BLTP3A: variants seen among roughly 807,000 people sequenced by gnomAD.
BLTP3A encodes the protein ICBP90 binding protein 1.
the BLTP3A span, chr6:34,857,949 T>G: frequency 6.2e-7 from 1 of 1,600,164 alleles, no homozygotes; most frequent in Non-Finnish European, 8.5e-7. Context: ...TATCCCCTGT[T>G]AGTAGCCACA....
the BLTP3A span, among the ~76,000 whole-genome samples, chr6:34,808,346 C>CAAAAAAAAAAAAAAAAAAAAAAAA: frequency 7.5e-5 from 2 of 26,720 alleles, no homozygotes; most frequent in Middle Eastern, 0.036. Context: ...AACTCCGTCT[C>CAAAAAAAAAAAAAAAAAAAAAAAA]AAAAAAAAAA....
the BLTP3A span, among the ~76,000 whole-genome samples, chr6:34,803,613 A>G: frequency 3.9e-5 from 6 of 152,242 alleles, no homozygotes; most frequent in Non-Finnish European, 8.8e-5. Context: ...AATATGTCCT[A>G]CTAGGTCTGC....
the BLTP3A span, chr6:34,876,905 TC>T: frequency 6.6e-6 from 1 of 152,242 alleles, no homozygotes; most frequent in African/African-American, 2.4e-5. Flanking sequence ...TGGGATTTGA[TC>T]TTCCTCACTT....
the BLTP3A span, among the ~76,000 whole-genome samples, chr6:34,835,014 A>G: frequency 2.6e-5 from 4 of 152,160 alleles, no homozygotes; most frequent in African/African-American, 9.7e-5. Flanking sequence ...AACATCCTCT[A>G]GTAATAGAAT....
chr6:34,806,530 C>A, the BLTP3A span, among the ~76,000 whole-genome samples: 1 of 152,216 alleles, frequency 6.6e-6, no homozygotes, highest in African/African-American at 2.4e-5. Flanking sequence ...AAGTTAGGGT[C>A]AGTTCTGCTC....
chr6:34,821,378 A>G, the BLTP3A span: 22 of 296,630 alleles, frequency 7.4e-5, 1 homozygote, highest in South Asian at 1.5e-3. Context: ...AATCATAAGT[A>G]GAATCATAGG....
the BLTP3A span, among the ~76,000 whole-genome samples, chr6:34,861,810 C>A: frequency 0.027 from 4,096 of 152,234 alleles, 198 homozygotes; most frequent in African/African-American, 0.093. Flanking sequence ...GTCTTGAACT[C>A]TTGGGCGCAA....
At chr6:34,792,453 C>T in the BLTP3A span, among the ~76,000 whole-genome samples, 3 of 152,122 alleles carry the variant, frequency 2.0e-5, no homozygotes, top group African/African-American at 7.2e-5. Context: ...ACAGCTTCCC[C>T]CCGCGCCCGC....
chr6:34,794,357 G>A, the BLTP3A span, among the ~76,000 whole-genome samples: 1 of 149,654 alleles, frequency 6.7e-6, no homozygotes, highest in East Asian at 2.0e-4. Context: ...AAAGGTTATT[G>A]TGTTACATGA....
At chr6:34,870,065 C>T in the BLTP3A span, among the ~76,000 whole-genome samples, 1 of 152,108 alleles carries the variant, frequency 6.6e-6, no homozygotes, top group Non-Finnish European at 1.5e-5. Context: ...AATTTTAGAA[C>T]ATTTCCATGA....
At chr6:34,815,131 C>T in the BLTP3A span, among the ~76,000 whole-genome samples, 11 of 152,168 alleles carry the variant, frequency 7.2e-5, no homozygotes, top group African/African-American at 2.4e-4. Flanking sequence ...GAAGACCCTT[C>T]GTTCAGTGCC....
the BLTP3A span, among the ~76,000 whole-genome samples, chr6:34,841,858 T>G: frequency 2.0e-5 from 3 of 152,136 alleles, no homozygotes; most frequent in African/African-American, 4.8e-5. Context: ...AGAAGATTGG[T>G]GATTGATGGG....
the BLTP3A span, among the ~76,000 whole-genome samples, chr6:34,832,267 T>C: frequency 6.6e-6 from 1 of 152,068 alleles, no homozygotes; most frequent in African/African-American, 2.4e-5. Context: ...ACCAAAGGCA[T>C]GCACCACTGT....
chr6:34,802,361 C>A, the BLTP3A span, among the ~76,000 whole-genome samples: 1 of 148,880 alleles, frequency 6.7e-6, no homozygotes, highest in Non-Finnish European at 1.5e-5. Flanking sequence ...TGCCCACCAC[C>A]AAGCCCGGCT....
chr6:34,850,192 CCT>C, the BLTP3A span, among the ~76,000 whole-genome samples: 1 of 151,890 alleles, frequency 6.6e-6, no homozygotes, highest in Non-Finnish European at 1.5e-5. Context: ...ATATGTCATG[CCT>C]CTCTCTGCTA....
chr6:34,871,834 A>C, the BLTP3A span: 1 of 1,614,174 alleles, frequency 6.2e-7, no homozygotes, highest in Non-Finnish European at 8.5e-7. Context: ...GCTCAGGACA[A>C]ACCATCAGCT....
At chr6:34,871,151 G>T in the BLTP3A span, 1 of 1,588,862 alleles carries the variant, frequency 6.3e-7, no homozygotes, top group Non-Finnish European at 8.6e-7. Context: ...CAATGTAAGG[G>T]CACATTGGTT....
At chr6:34,823,309 C>A in the BLTP3A span, 14 of 1,614,088 alleles carry the variant, frequency 8.7e-6, no homozygotes, top group Admixed American at 8.3e-5. Context: ...CCTCGGCCCC[C>A]CAATGGACAG....
the BLTP3A span, among the ~76,000 whole-genome samples, chr6:34,820,514 G>A: frequency 6.6e-6 from 1 of 151,826 alleles, no homozygotes. Context: ...ATGCCCTTTT[G>A]CTTCCCTCCA....
Sources: allele counts gnomAD v4.1 joint callset (sites outside exome capture counted in the v4.1 genomes callset), GRCh38; gene constraint gnomAD v4.1.1; transcripts MANE v1.5; gene names NCBI Gene and HGNC (gene_info 2026-07-23, HGNC 2026-07-21).